The following NAALADL2 variants were observed in gnomAD, a reference collection of about 807,000 sequenced individuals.
The protein encoded by NAALADL2 is N-acetylated alpha-linked acidic dipeptidase like 2, also known as inactive N-acetylated-alpha-linked acidic dipeptidase-like protein 2.
In NAALADL2, 76 loss-of-function variants were observed where a neutral mutation model predicts 87.2. The observed-to-expected ratio is 0.87, with a 90% CI of 0.72 to 1.05. The LOEUF is 1.05. Among genes scored for constraint, NAALADL2 ranks in the 50% least tolerant of loss-of-function variants. The pLI is 0.00. For synonymous variants in NAALADL2, 354 were observed against 331.0 expected (o/e 1.07, Z -0.75); for missense variants, 1,089 against 945.8 (o/e 1.15, Z -1.99).
intron 2 of NAALADL2, among the ~76,000 whole-genome samples, chr3:174,595,248 C>T (rs1479551604): frequency 6.6e-6 from 1 of 152,060 alleles, no homozygotes; most frequent in East Asian, 1.9e-4. Flanking sequence ...TCTCCCTCTG[C>T]CCGCTTCTTG....
chr3:175,209,065 C>T (rs887747669), intron 2 of NAALADL2, among the ~76,000 whole-genome samples: 3 of 152,020 alleles, frequency 2.0e-5, no homozygotes, highest in Admixed American at 6.6e-5. Context: ...TGAAAGGGAG[C>T]GTTTGTTTCT....
chr3:175,659,789 A>G (rs1280943431), intron 11 of NAALADL2, among the ~76,000 whole-genome samples: 2 of 152,166 alleles, frequency 1.3e-5, no homozygotes, highest in Non-Finnish European at 2.9e-5. Context: ...TACCTAGTCC[A>G]AAAGGAGCTA....
At chr3:175,644,540 A>G (rs1349748218) in intron 11 of NAALADL2, among the ~76,000 whole-genome samples, 5 of 152,166 alleles carry the variant, frequency 3.3e-5, no homozygotes, top group Admixed American at 2.0e-4. Context: ...TACACTACAT[A>G]TCAAGATGAT....
intron 1 of NAALADL2, among the ~76,000 whole-genome samples, chr3:174,911,880 G>T (rs997953421): frequency 6.6e-6 from 1 of 152,078 alleles, no homozygotes; most frequent in African/African-American, 2.4e-5. Flanking sequence ...GAATTAAGTT[G>T]TTAAAATGTG....
At chr3:175,715,575 C>T (rs980549422) in intron 11 of NAALADL2, among the ~76,000 whole-genome samples, 5 of 151,952 alleles carry the variant, frequency 3.3e-5, no homozygotes, top group Admixed American at 2.6e-4. Context: ...AAACAAATGA[C>T]TATAAGATGG....
intron 1 of NAALADL2, among the ~76,000 whole-genome samples, chr3:174,988,320 G>A (rs1161532998): frequency 4.6e-5 from 7 of 152,134 alleles, no homozygotes; most frequent in Non-Finnish European, 1.0e-4. Context: ...TAGAAGCAGT[G>A]AAGAATGAAG....
At chr3:175,033,569 A>C (rs1467712488) in intron 1 of NAALADL2, among the ~76,000 whole-genome samples, 1 of 152,106 alleles carries the variant, frequency 6.6e-6, no homozygotes, top group Admixed American at 6.6e-5. Flanking sequence ...CTGATCCCAT[A>C]GTTGTATCTC....
chr3:174,940,659 T>C (rs1325875679), intron 1 of NAALADL2, among the ~76,000 whole-genome samples: 1 of 152,074 alleles, frequency 6.6e-6, no homozygotes, highest in Admixed American at 6.6e-5. Context: ...TTTTTTTGGT[T>C]GGTAGGCTAT....
At chr3:175,094,376 G>A (rs1720735550) in intron 1 of NAALADL2, among the ~76,000 whole-genome samples, 1 of 151,992 alleles carries the variant, frequency 6.6e-6, no homozygotes, top group South Asian at 2.1e-4. Flanking sequence ...TTTCTAAAGT[G>A]TCTAGAGATT....
intron 1 of NAALADL2, among the ~76,000 whole-genome samples, chr3:175,006,957 T>C (rs1309124424): frequency 6.6e-6 from 1 of 151,518 alleles, no homozygotes; most frequent in Non-Finnish European, 1.5e-5. Flanking sequence ...GACACTTAAT[T>C]TTGTCATTGT....
At chr3:174,443,229 A>G (rs1714795928) in intron 1 of NAALADL2, among the ~76,000 whole-genome samples, 1 of 152,200 alleles carries the variant, frequency 6.6e-6, no homozygotes, top group South Asian at 2.1e-4. Flanking sequence ...AGAAGCAGGG[A>G]TAACAGTTAG....
At position 175,095,680 on chromosome 3, in the gene NAALADL2, A is replaced by G. The variant is rs990800183; in HGVS notation, c.44-1110A>G. 5.3e-5 allele frequency among the ~76,000 whole-genome samples: 8 copies of G among 152,110 alleles called. No individual in the cohort carries two copies. In the East Asian group the frequency reaches 1.5e-3, roughly 29 times the overall value. On this transcript the variant is annotated intron_variant, in intron 1 of 13. Transcript: ENST00000454872. ...GTGAAATCCTTGTTTTATCTTTTTC[A>G]TAGGAATTTACTTGTCTACCACGAT...
intron 5 of NAALADL2, among the ~76,000 whole-genome samples, chr3:175,371,813 A>G (rs1008276176): frequency 6.8e-6 from 1 of 147,646 alleles, no homozygotes; most frequent in Admixed American, 6.7e-5. Flanking sequence ...AACTCCATCT[A>G]TTAAAAAAAA....
At position 175,803,099 on chromosome 3, in the gene NAALADL2, C is replaced by T. The variant is rs760865024; in HGVS notation, c.2284C>T (p.Leu762Phe). The T allele has an allele frequency of 5.0e-6, 8 of 1,612,366 alleles. No individual in the cohort carries two copies. Among genetic ancestry groups the T allele is most frequent in the Admixed American group, 3.3e-5 (2 of 59,762 alleles). The change falls in exon 14 of 14, where the codon CTT becomes TTT. Residue 762 changes from leucine to phenylalanine, a missense_variant. Transcript: ENST00000454872. ...CAAACCCCTTGCATCAAATGAGACC[C>T]TTCAAGAAGCCCTGTCAGAGGTGTT... The part of the protein sequence containing the change: ...HCKPLASNET[L>F]QEALSEVLNS...
At position 175,627,151 on chromosome 3, in the gene NAALADL2, T is replaced by C. The variant is rs957058239; in HGVS notation, c.1801-140T>C. ...ACATATTCTGGGATGGGTAGTTAGA[T>C]CAGGAGAATGAAATCCAGCAATCAA... On this transcript the variant is annotated intron_variant, in intron 10 of 13. Coordinates refer to ENST00000454872, the MANE Select transcript of NAALADL2 (RefSeq NM_207015.3). 1.4e-5 allele frequency: 9 copies of C among 649,222 alleles called. No homozygotes were observed. The Admixed American group carries it at 2.7e-4, about 19-fold the overall frequency. 40.2% of individuals were successfully genotyped at this position (649,222 alleles called of 1,614,324 possible). A position where few individuals can be genotyped will look rare whatever the true frequency, so the allele number is the denominator to read the frequency against.
intron 9 of NAALADL2, among the ~76,000 whole-genome samples, chr3:175,546,163 T>G (rs1325730718): frequency 6.6e-6 from 1 of 152,156 alleles, no homozygotes; most frequent in Non-Finnish European, 1.5e-5. Flanking sequence ...TTGTCTTTTT[T>G]GATCTTTGTT....
intron 13 of NAALADL2, among the ~76,000 whole-genome samples, chr3:175,767,040 C>G (rs1363389067): frequency 6.6e-6 from 1 of 152,062 alleles, no homozygotes; most frequent in Non-Finnish European, 1.5e-5. Context: ...ATCTTTTGTT[C>G]AAATGAAAGC....
intron 2 of NAALADL2, among the ~76,000 whole-genome samples, chr3:175,179,726 C>T (rs990635683): frequency 4.0e-5 from 6 of 151,878 alleles, no homozygotes; most frequent in Admixed American, 1.3e-4. Flanking sequence ...GGATTGCTGG[C>T]TTTTTAAACT....
chr3:174,668,264 T>TA (rs1726161634), intron 2 of NAALADL2, among the ~76,000 whole-genome samples: 1 of 152,162 alleles, frequency 6.6e-6, no homozygotes, highest in African/African-American at 2.4e-5. Flanking sequence ...GTTAGCCTCT[T>TA]ATTATATATA....
Sources: gnomAD v4.1 joint callset for allele counts (sites outside exome capture counted in the v4.1 genomes callset) on GRCh38, gnomAD v4.1.1 for gene constraint, MANE v1.5 for transcripts, NCBI Gene and HGNC (gene_info 2026-07-23, HGNC 2026-07-21) for gene names.